Variants in MLLT10 observed in about 807,000 individuals in gnomAD.
MLLT10 encodes MLLT10 histone lysine methyltransferase DOT1L cofactor.
In MLLT10, 30 loss-of-function variants were observed where a neutral mutation model predicts 129.1. The ratio of observed to expected loss-of-function variants is 0.23; its 90% confidence interval spans 0.17 to 0.32. MLLT10 has a LOEUF of 0.32. Among genes scored for constraint, MLLT10 ranks in the 10% least tolerant of loss-of-function variants. The pLI, the probability that MLLT10 is intolerant of heterozygous loss-of-function variation, is 1.00. For synonymous variants in MLLT10, 490 were observed against 446.4 expected, an observed-to-expected ratio of 1.10 and a Z score of -1.23; for missense variants, 1,119 against 1,268.3, an observed-to-expected ratio of 0.88 and a Z score of 1.79.
chr10:21,688,568 A>T, intron 13 of MLLT10: 1 of 1,590,168 alleles, frequency 6.3e-7, no homozygotes. Flanking sequence ...ATGGTTCTAA[A>T]CATAATAGTG....
Position 21,726,374 on chromosome 10 carries a change from C to G in MLLT10, c.1990+19C>G, listed in dbSNP as rs750721392. The G allele has an allele frequency of 3.9e-6, 6 of 1,548,158 alleles. No homozygotes were observed. In the African/African-American group the frequency reaches 4.1e-5, roughly 11 times the overall value. On this transcript the variant is annotated intron_variant, in intron 15 of 22. Transcript: ENST00000307729. ...CAAACAGGTAAGTTTTCAAGAATTACTAACTCTAAAACCCTACTCTCACCT... is the reference window on the plus strand; with the variant it reads ...CAAACAGGTAAGTTTTCAAGAATTAGTAACTCTAAAACCCTACTCTCACCT...
intron 11 of MLLT10, among the ~76,000 whole-genome samples, chr10:21,675,343 C>T (rs1366876366): frequency 6.6e-6 from 1 of 152,104 alleles, no homozygotes; most frequent in Non-Finnish European, 1.5e-5. Context: ...TACCAGAATC[C>T]CCAGTCCCTG....
chr10:21,573,176 C>T (rs2040389970), intron 3 of MLLT10, among the ~76,000 whole-genome samples: 1 of 152,122 alleles, frequency 6.6e-6, no homozygotes, highest in Admixed American at 6.5e-5. Flanking sequence ...CTTTTATTCT[C>T]TTCCCTTACA....
chr10:21,619,930 T>C (rs1346295375), intron 8 of MLLT10, among the ~76,000 whole-genome samples: 1 of 151,016 alleles, frequency 6.6e-6, no homozygotes, highest in African/African-American at 2.4e-5. Context: ...TTTCTTTTTC[T>C]TTTCTTTTTT....
At chr10:21,587,639 T>C (rs1177692880) in intron 4 of MLLT10, among the ~76,000 whole-genome samples, 1 of 152,142 alleles carries the variant, frequency 6.6e-6, no homozygotes, top group African/African-American at 2.4e-5. Flanking sequence ...AAGGTTAAGC[T>C]GCTATTACTA....
intron 3 of MLLT10, among the ~76,000 whole-genome samples, chr10:21,549,158 C>T (rs1034804379): frequency 1.5e-5 from 2 of 137,164 alleles, no homozygotes; most frequent in Non-Finnish European, 3.1e-5. Flanking sequence ...GAGTCTTGCT[C>T]TGTCACCCTG....
At chr10:21,627,787 T>C (rs2046600869) in intron 8 of MLLT10, among the ~76,000 whole-genome samples, 1 of 152,242 alleles carries the variant, frequency 6.6e-6, no homozygotes, top group African/African-American at 2.4e-5. Flanking sequence ...TTGGCTCTTT[T>C]TTTTTGGTCA....
chr10:21,692,804 A>G (rs887235432), intron 13 of MLLT10, among the ~76,000 whole-genome samples: 2 of 152,132 alleles, frequency 1.3e-5, no homozygotes, highest in African/African-American at 4.8e-5. Context: ...TTATATTAAA[A>G]TCACTGGTTC....
chr10:21,705,673 C>T (rs1036421742), intron 13 of MLLT10, among the ~76,000 whole-genome samples: 5 of 152,192 alleles, frequency 3.3e-5, no homozygotes, highest in Admixed American at 6.5e-5. Flanking sequence ...TGCTCATTCA[C>T]GCCTCCACCC....
chr10:21,585,588 G>A (rs1473432769), intron 3 of MLLT10, among the ~76,000 whole-genome samples: 1 of 152,194 alleles, frequency 6.6e-6, no homozygotes, highest in African/African-American at 2.4e-5. Context: ...CTTGACGGCA[G>A]TCGTCCTAGC....
chr10:21,699,511 C>T (rs2054692466), intron 13 of MLLT10, among the ~76,000 whole-genome samples: 1 of 151,838 alleles, frequency 6.6e-6, no homozygotes, highest in Non-Finnish European at 1.5e-5. Context: ...ACTTTCAGGT[C>T]TTATGTTTAA....
At chr10:21,726,811 A>G (rs2057552501) in intron 15 of MLLT10, among the ~76,000 whole-genome samples, 1 of 151,112 alleles carries the variant, frequency 6.6e-6, no homozygotes, top group African/African-American at 2.4e-5. Context: ...AGTTCTATGC[A>G]ATGAAAGTAA....
intron 8 of MLLT10, among the ~76,000 whole-genome samples, chr10:21,647,088 C>A (rs2048574896): frequency 6.6e-6 from 1 of 152,144 alleles, no homozygotes; most frequent in Non-Finnish European, 1.5e-5. Context: ...GATCTCCCGA[C>A]CTCGTGATCC....
chr10:21,534,964 TG>T (rs2033583388), intron 2 of MLLT10, among the ~76,000 whole-genome samples, 160 bp downstream of exon 2: 1 of 148,524 alleles, frequency 6.7e-6, no homozygotes, highest in South Asian at 2.1e-4. Flanking sequence ...GCCGCGCATG[TG>T]GGAGAAAGTG....
intron 3 of MLLT10, among the ~76,000 whole-genome samples, chr10:21,558,229 G>A (rs1029165995): frequency 2.0e-5 from 3 of 151,922 alleles, no homozygotes; most frequent in African/African-American, 7.2e-5. Context: ...GGGACTACAG[G>A]CGTGAGCCAC....
At chr10:21,739,965 A>AGCT in intron 21 of MLLT10, 65 bp from the exon 22 acceptor site, 4 of 1,254,258 alleles carry the variant, frequency 3.2e-6, no homozygotes, top group Non-Finnish European at 4.5e-6. Context: ...AACATAAGGC[A>AGCT]GCTCATCTGA....
At chr10:21,674,044 A>C in intron 11 of MLLT10, 125 bp downstream of exon 11, 3 of 749,712 alleles carry the variant, frequency 4.0e-6, no homozygotes, top group Non-Finnish European at 3.9e-6. Flanking sequence ...AATTAAAGTG[A>C]AATTTCTCAG....
intron 8 of MLLT10, among the ~76,000 whole-genome samples, chr10:21,618,333 TA>T (rs1274805015): frequency 4.0e-5 from 6 of 151,310 alleles, no homozygotes; most frequent in Non-Finnish European, 8.8e-5. Flanking sequence ...GTGTCTCTAC[TA>T]AAAATACGAA....
At chr10:21,603,358 T>A (rs2043749799) in intron 5 of MLLT10, among the ~76,000 whole-genome samples, 1 of 151,996 alleles carries the variant, frequency 6.6e-6, no homozygotes, top group Non-Finnish European at 1.5e-5. Context: ...TGAGCCACTG[T>A]GCTGGCCTTG....
Sources: allele counts gnomAD v4.1 joint callset (sites outside exome capture counted in the v4.1 genomes callset), GRCh38; gene constraint gnomAD v4.1.1; transcripts MANE v1.5; gene names NCBI Gene and HGNC (gene_info 2026-07-23, HGNC 2026-07-21).